The following TIAM2 variants were observed in gnomAD, a reference collection of about 807,000 sequenced individuals.
TIAM2 encodes the protein rho guanine nucleotide exchange factor TIAM2.
In TIAM2, 80 loss-of-function variants were observed where a neutral mutation model predicts 152.9. That is an observed-to-expected ratio of 0.52 (90% CI 0.44 to 0.63). The LOEUF (loss-of-function observed/expected upper bound fraction) is 0.63, where lower values mean the gene tolerates loss of function less well. Among genes scored for constraint, TIAM2 ranks in the 30% least tolerant of loss-of-function variants. TIAM2 has a pLI of 0.00. For missense variants in TIAM2, 1,965 were observed against 2,120.1 expected (o/e 0.93, Z 1.44); for synonymous variants, 804 against 838.0 (o/e 0.96, Z 0.70).
At chr6:155,044,183 G>A (rs1777108700) in intron 1 of TIAM2, among the ~76,000 whole-genome samples, 1 of 152,156 alleles carries the variant, frequency 6.6e-6, no homozygotes, top group Non-Finnish European at 1.5e-5. Context: ...AAGTTTCACT[G>A]TTTTTCACAG....
At chr6:155,071,424 T>C (rs1777835138) in intron 1 of TIAM2, among the ~76,000 whole-genome samples, 1 of 152,226 alleles carries the variant, frequency 6.6e-6, no homozygotes, top group African/African-American at 2.4e-5. Context: ...GTTTATTAAG[T>C]TGTTATTCAA....
chr6:155,067,505 C>G (rs911921801), intron 1 of TIAM2, among the ~76,000 whole-genome samples: 2 of 152,170 alleles, frequency 1.3e-5, no homozygotes, highest in African/African-American at 4.8e-5. Context: ...CAGGGAGATG[C>G]ATGTTCTTAT....
At chr6:155,062,492 AG>A (rs1777605666) in intron 1 of TIAM2, among the ~76,000 whole-genome samples, 1 of 129,668 alleles carries the variant, frequency 7.7e-6, no homozygotes, top group South Asian at 2.7e-4. Context: ...TGGAGTTACC[AG>A]TTTATTTTAT....
rs146614447 is a variant in TIAM2 at position 155,251,959 on chromosome 6, G to A, written c.4075G>A (p.Val1359Ile). Residue 1359 changes from valine to isoleucine, a missense_variant, in exon 23 of 27, where the codon GTC becomes ATC. Transcript: ENST00000682666. ...ELTVFVFKRA[V>I]ILVYKENCKL... ...CCTTTCTTTAGTTTTTAAGAGAGCC[G>A]TCATACTGGTTTATAAAGAAAACTG... 2.6e-4 allele frequency: 410 copies of A among 1,603,748 alleles called. 3 individuals carry two copies. In the African/African-American group the frequency reaches 4.3e-3, roughly 17 times the overall value.
intron 1 of TIAM2, among the ~76,000 whole-genome samples, chr6:155,029,505 A>ACTATATACTATAGT (rs1303279516): frequency 2.1e-4 from 6 of 28,368 alleles, no homozygotes; most frequent in South Asian, 1.8e-3. Flanking sequence ...TATTATATAT[A>ACTATATACTATAGT]ATATATACTA....
At chr6:155,177,110 AGTT>A in intron 10 of TIAM2, 133 bp downstream of exon 10, 1 of 782,858 alleles carries the variant, frequency 1.3e-6, no homozygotes, top group Non-Finnish European at 1.9e-6. Context: ...CATATTTATT[AGTT>A]AATATATTTA....
chr6:155,179,244 G>A (rs776926143), intron 11 of TIAM2, 101 bp downstream of exon 11: 129 of 1,431,372 alleles, frequency 9.0e-5, no homozygotes, highest in East Asian at 2.8e-4. Flanking sequence ...TAAATTTGGC[G>A]TCTAGTTTGG....
intron 2 of TIAM2, among the ~76,000 whole-genome samples, chr6:155,126,902 G>A (rs1008351355): frequency 6.6e-6 from 1 of 151,678 alleles, no homozygotes; most frequent in Non-Finnish European, 1.5e-5. Context: ...CAGTGAGCAC[G>A]GCCAGAGGGG....
rs540109567 is a variant in TIAM2, at chr6:155,035,314, C to G, written c.-209+39822C>G. On this transcript the variant is annotated intron_variant, in intron 1 of 26. Transcript: ENST00000682666. ...CTTGGCTCACTGCATTTCCACCTCC[C>G]GGGTTCAAGCGATCCTCCTGCCTCA... Among the ~76,000 whole-genome samples the G allele has an allele frequency of 5.7e-4, 87 of 151,900 alleles. No individual in the cohort carries two copies. The South Asian group carries it at 7.9e-3, about 14-fold the overall frequency.
At chr6:155,029,485 C>CTATATATTATATATAATA (rs371777184) in intron 1 of TIAM2, among the ~76,000 whole-genome samples, 1,008 of 10,210 alleles carry the variant, frequency 0.099, 259 homozygotes, top group Non-Finnish European at 0.12. Context: ...AGTATATATA[C>CTATATATTATATATAATA]TATAGTATAT....
chr6:155,029,479 TATATACTATAG>T (rs2114885445), intron 1 of TIAM2, among the ~76,000 whole-genome samples: 1 of 20,124 alleles, frequency 5.0e-5, no homozygotes, highest in African/African-American at 2.6e-4. Context: ...TACTATAGTA[TATATACTATAG>T]TATATATTAT....
chr6:155,247,297 G>A (rs1015155945), intron 19 of TIAM2, among the ~76,000 whole-genome samples: 1 of 152,202 alleles, frequency 6.6e-6, no homozygotes, highest in Non-Finnish European at 1.5e-5. Flanking sequence ...TGGGTATGGT[G>A]TAGGGTCTGG....
At chr6:155,141,181 T>C (rs1378803624) in intron 5 of TIAM2, among the ~76,000 whole-genome samples, 1 of 152,222 alleles carries the variant, frequency 6.6e-6, no homozygotes, top group African/African-American at 2.4e-5. Context: ...ATAAATGTTA[T>C]CAAGCACACA....
At chr6:155,002,368 G>A (rs1479281404) in intron 1 of TIAM2, among the ~76,000 whole-genome samples, 1 of 152,132 alleles carries the variant, frequency 6.6e-6, no homozygotes, top group Non-Finnish European at 1.5e-5. Flanking sequence ...CCATGATCAC[G>A]CCACTGTACT....
intron 9 of TIAM2, chr6:155,169,037 C>A (rs1780511423): frequency 6.1e-6 from 6 of 982,678 alleles, no homozygotes; most frequent in Non-Finnish European, 7.2e-6. Flanking sequence ...GCTCTGTTGC[C>A]CAGGCTGGAG....
Position 155,129,331 on chromosome 6 carries a change from T to C in TIAM2, c.108T>C (p.His36=), listed in dbSNP as rs771127247. Residue 36 remains histidine, a synonymous_variant, in exon 4 of 27, where the codon CAT becomes CAC. Coordinates refer to ENST00000682666, the MANE Select transcript of TIAM2 (RefSeq NM_012454.4). This position sits in a 1 kb window ranked among gnomAD's most constrained non-coding sequence, Gnocchi z 4.8. The part of the protein sequence containing the change: ...IPCSLKIRGI[H]AKEEKSLHGW... Reference sequence around the variant, plus strand: ...GCTCCCTGAAAATACGTGGCATTCATGCAAAAGAGGAAAAGTCATTGCATG... The same window carrying C: ...GCTCCCTGAAAATACGTGGCATTCACGCAAAAGAGGAAAAGTCATTGCATG... 18 of 1,614,194 alleles carry C rather than the reference T, an allele frequency of 1.1e-5. No individual in the cohort carries two copies. The highest frequency in any genetic ancestry group is 1.4e-5 in the Non-Finnish European group (17 of 1,180,046).
chr6:155,017,649 A>G (rs978860152), intron 1 of TIAM2, among the ~76,000 whole-genome samples: 2 of 151,674 alleles, frequency 1.3e-5, no homozygotes, highest in Admixed American at 6.6e-5. Flanking sequence ...GACTACAGGC[A>G]CCTGCCACCA....
intron 1 of TIAM2, among the ~76,000 whole-genome samples, chr6:155,052,773 C>CAAAA (rs10545743): frequency 1.7e-5 from 2 of 117,034 alleles, no homozygotes; most frequent in African/African-American, 3.3e-5. Context: ...AACTCCATCT[C>CAAAA]AAAAAAAAAA....
intron 7 of TIAM2, among the ~76,000 whole-genome samples, chr6:155,160,432 A>G (rs999402810): frequency 6.6e-6 from 1 of 152,154 alleles, no homozygotes. Flanking sequence ...TTAAATGTTA[A>G]TATCTCCCAG....
Sources: gnomAD v4.1 joint callset for allele counts (sites outside exome capture counted in the v4.1 genomes callset) on GRCh38, gnomAD v4.1.1 for gene constraint, Gnocchi (gnomAD v3.1) non-coding constraint, MANE v1.5 for transcripts, NCBI Gene and HGNC (gene_info 2026-07-23, HGNC 2026-07-21) for gene names.